The following PHACTR1 variants were observed in gnomAD, a reference collection of about 807,000 sequenced individuals.
PHACTR1 encodes the protein RPEL repeat containing 1.
PHACTR1 carries 16 observed loss-of-function variants against 69.2 expected under a neutral mutation model. The observed-to-expected ratio is 0.23, with a 90% CI of 0.16 to 0.35. PHACTR1 has a LOEUF of 0.35. Among genes scored for constraint, PHACTR1 ranks in the 10% least tolerant of loss-of-function variants. The pLI is 1.00. For missense variants in PHACTR1, 510 were observed against 734.7 expected (o/e 0.69, Z 3.54); for synonymous variants, 312 against 284.5 (o/e 1.10, Z -0.97).
intron 5 of PHACTR1, among the ~76,000 whole-genome samples, chr6:13,077,185 A>AG (rs1293995678): frequency 1.1e-4 from 15 of 138,694 alleles, no homozygotes; most frequent in Admixed American, 6.8e-5. Flanking sequence ...AAAAAAAAAA[A>AG]AAAAAGTGAT....
chr6:12,824,817 T>G (rs893773982), intron 4 of PHACTR1, among the ~76,000 whole-genome samples: 1 of 152,130 alleles, frequency 6.6e-6, no homozygotes, highest in Non-Finnish European at 1.5e-5. Context: ...TAATACAGAG[T>G]GTAGTGGTGA....
In PHACTR1 at chr6:12,990,369, C is replaced by T. The variant is rs544693253; in HGVS notation, c.251-62996C>T. ...GGGCCCTGTTGAGACTGAAGAGTAC[C>T]CTTGACCTTTTCATGGGCAGGAACT... On this transcript the variant is annotated intron_variant, in intron 4 of 14. Coordinates refer to ENST00000332995, the MANE Select transcript of PHACTR1 (RefSeq NM_030948.6). 4.6e-5 allele frequency among the ~76,000 whole-genome samples: 7 copies of T among 152,286 alleles called. No individual in the cohort carries two copies. The East Asian group carries it at 1.4e-3, about 29-fold the overall frequency.
intron 12 of PHACTR1, chr6:13,280,888 T>C: frequency 1.7e-6 from 2 of 1,163,536 alleles, no homozygotes; most frequent in South Asian, 2.6e-5. Context: ...AGGCCAAAGG[T>C]GCGTCTTCTG....
chr6:13,131,516 G>A (rs1820466709), intron 5 of PHACTR1, among the ~76,000 whole-genome samples: 1 of 151,658 alleles, frequency 6.6e-6, no homozygotes, highest in Admixed American at 6.6e-5. Flanking sequence ...CGGATGAATG[G>A]GTGCACCAAA....
intron 7 of PHACTR1, among the ~76,000 whole-genome samples, chr6:13,200,943 CAAAAAAAAA>C (rs772620697): frequency 3.3e-5 from 3 of 90,750 alleles, no homozygotes; most frequent in African/African-American, 1.1e-4. Context: ...AACTCTGTCT[CAAAAAAAAA>C]AAAAAAGAAA....
chr6:12,992,238 T>C (rs762398646), intron 4 of PHACTR1, among the ~76,000 whole-genome samples: 5 of 152,212 alleles, frequency 3.3e-5, no homozygotes, highest in South Asian at 2.1e-4. Context: ...ATGAAGTCCC[T>C]TCATGGGGCT....
chr6:12,967,267 A>T (rs146070269), intron 4 of PHACTR1, among the ~76,000 whole-genome samples: 2 of 152,314 alleles, frequency 1.3e-5, no homozygotes, highest in Non-Finnish European at 2.9e-5. Context: ...GCCCTCCAAG[A>T]TGTCCAAGGA....
At chr6:12,807,359 CT>C (rs1372515675) in intron 4 of PHACTR1, among the ~76,000 whole-genome samples, 1 of 152,032 alleles carries the variant, frequency 6.6e-6, no homozygotes, top group Non-Finnish European at 1.5e-5. Context: ...ATTCCATTTT[CT>C]TTTATTCCGC....
chr6:13,213,192 T>C (rs187519746), intron 8 of PHACTR1, among the ~76,000 whole-genome samples: 1 of 152,216 alleles, frequency 6.6e-6, no homozygotes, highest in Non-Finnish European at 1.5e-5. Context: ...CTGCTTCCTA[T>C]TGATGGATTG....
At chr6:13,192,427 G>A (rs996700991) in intron 7 of PHACTR1, among the ~76,000 whole-genome samples, 1 of 152,236 alleles carries the variant, frequency 6.6e-6, no homozygotes, top group Non-Finnish European at 1.5e-5. Context: ...TATCAGCAGG[G>A]ATGTAGGATT....
At chr6:13,075,820 C>G (rs920040891) in intron 5 of PHACTR1, among the ~76,000 whole-genome samples, 1 of 152,042 alleles carries the variant, frequency 6.6e-6, no homozygotes, top group Admixed American at 6.6e-5. Flanking sequence ...GGTCATATGC[C>G]AAATGATCTT....
intron 7 of PHACTR1, among the ~76,000 whole-genome samples, chr6:13,201,758 G>T (rs777369229): frequency 5.9e-5 from 9 of 152,150 alleles, no homozygotes; most frequent in Non-Finnish European, 1.0e-4. Flanking sequence ...ATGTTATGGG[G>T]AATGACTTGG....
intron 4 of PHACTR1, among the ~76,000 whole-genome samples, chr6:12,774,661 A>G (rs2127632743): frequency 6.6e-6 from 1 of 152,180 alleles, no homozygotes; most frequent in Middle Eastern, 3.4e-3. Context: ...CGTCCACCCA[A>G]AGTGCTGGGG....
chr6:12,819,522 T>C (rs1331256846), intron 4 of PHACTR1, among the ~76,000 whole-genome samples: 4 of 152,114 alleles, frequency 2.6e-5, no homozygotes, highest in African/African-American at 7.2e-5. Context: ...ATGCACCTCT[T>C]ATTAGTTGTG....
intron 4 of PHACTR1, among the ~76,000 whole-genome samples, chr6:12,946,969 C>T (rs1338494974): frequency 2.0e-5 from 3 of 151,844 alleles, no homozygotes; most frequent in Admixed American, 1.3e-4. Flanking sequence ...CCCACCACCA[C>T]GGCTGACTAA....
At chr6:12,986,128 G>T (rs1012914732) in intron 4 of PHACTR1, among the ~76,000 whole-genome samples, 1 of 152,130 alleles carries the variant, frequency 6.6e-6, no homozygotes, top group Non-Finnish European at 1.5e-5. Flanking sequence ...GAGCCACCGC[G>T]CCTGGGCTAA....
chr6:13,161,536 T>TTCTG (rs1759009701), intron 6 of PHACTR1, among the ~76,000 whole-genome samples: 1 of 151,798 alleles, frequency 6.6e-6, no homozygotes, highest in South Asian at 2.1e-4. Flanking sequence ...TCACATAATA[T>TTCTG]TCTACTTTAA....
At chr6:12,922,744 AG>A in intron 4 of PHACTR1, among the ~76,000 whole-genome samples, 1 of 152,196 alleles carries the variant, frequency 6.6e-6, no homozygotes, top group Non-Finnish European at 1.5e-5. Context: ...GTAGATCTGA[AG>A]GACTTACTAG....
chr6:13,186,169 G>A (rs147499768), intron 7 of PHACTR1, among the ~76,000 whole-genome samples: 191 of 152,220 alleles, frequency 1.3e-3, no homozygotes, highest in African/African-American at 4.1e-3. Context: ...ACTTTTGTTC[G>A]ATGTCCAAAA....
Sources: gnomAD v4.1 joint callset for allele counts (sites outside exome capture counted in the v4.1 genomes callset) on GRCh38, gnomAD v4.1.1 for gene constraint, MANE v1.5 for transcripts, NCBI Gene and HGNC (gene_info 2026-07-23, HGNC 2026-07-21) for gene names.